The following MYOF variants were observed in gnomAD, a reference collection of about 807,000 sequenced individuals.
MYOF encodes fer-1-like 3, myoferlin.
In MYOF, 244 loss-of-function variants were observed where a neutral mutation model predicts 284.2. The observed-to-expected ratio is 0.86, with a 90% confidence interval of 0.77 to 0.95. The LOEUF (loss-of-function observed/expected upper bound fraction) is 0.95. Among genes scored for constraint, MYOF ranks in the 40% least tolerant of loss-of-function variants. The pLI, the probability that MYOF is intolerant of heterozygous loss-of-function variation, is 0.00. For synonymous variants in MYOF, 904 were observed against 919.7 expected (o/e 0.98, Z 0.31); for missense variants, 2,496 against 2,560.6 (o/e 0.97, Z 0.54).
At chr10:93,377,480 T>C in intron 21 of MYOF, 51 bp from the exon 22 acceptor site, 1 of 1,287,366 alleles carries the variant, frequency 7.8e-7, no homozygotes, top group Non-Finnish European at 1.1e-6. Flanking sequence ...CATTATGCCA[T>C]TATACCTTTT....
In MYOF at chr10:93,401,554, G is replaced by T. The variant is rs1418774535; in HGVS notation, c.991-10C>A. On this transcript the variant is annotated splice_polypyrimidine_tract_variant and intron_variant, in intron 11 of 53. Coordinates refer to ENST00000359263, the MANE Select transcript of MYOF (RefSeq NM_013451.4). ...GATCTCGTCTCTCAGGCTATTAGGG[G>T]CACATGATTTAAATTATACATACAG... 2 of 1,613,046 alleles carry T rather than the reference G, an allele frequency of 1.2e-6. No individual in the cohort carries two copies. The highest frequency in any genetic ancestry group is 1.7e-6 in the Non-Finnish European group (2 of 1,179,710).
chr10:93,310,655 C>T lies in MYOF; in HGVS notation c.5890-12G>A, dbSNP rs1418964199. The stretch of plus-strand genomic sequence containing the variant: ...ATCTCCACTTTCCCCTTCAGTAAAG[C>T]AGAGCAGGTTAAACATATGACATCA... On this transcript the variant is annotated splice_polypyrimidine_tract_variant and intron_variant, in intron 51 of 53. Coordinates refer to ENST00000359263, the MANE Select transcript of MYOF (RefSeq NM_013451.4). The T allele has an allele frequency of 1.2e-6, 2 of 1,612,770 alleles. No homozygotes were observed. Among genetic ancestry groups the T allele is most frequent in the Middle Eastern group, 1.7e-4 (1 of 6,060 alleles).
chr10:93,424,152 T>C (rs768746445), intron 5 of MYOF, among the ~76,000 whole-genome samples: 5 of 152,164 alleles, frequency 3.3e-5, no homozygotes, highest in Non-Finnish European at 5.9e-5. Flanking sequence ...GCCACCCAGT[T>C]TGCGGTAGTT....
At chr10:93,442,530 T>G (rs1373981536) in intron 3 of MYOF, among the ~76,000 whole-genome samples, 2 of 129,318 alleles carry the variant, frequency 1.5e-5, no homozygotes, top group African/African-American at 2.4e-5. Context: ...TACATTTCCT[T>G]CTAGGTATAT....
At chr10:93,380,252 A>G (rs1234431064) in intron 20 of MYOF, among the ~76,000 whole-genome samples, 7 of 152,236 alleles carry the variant, frequency 4.6e-5, no homozygotes, top group African/African-American at 1.7e-4. Flanking sequence ...AGGGCCATGC[A>G]TCTGAACATC....
Position 93,325,866 on chromosome 10 carries a change from G to T in MYOF, c.5231C>A (p.Thr1744Lys). 6.2e-7 allele frequency: 1 copy of T among 1,614,108 alleles called. No individual in the cohort carries two copies. The highest frequency in any genetic ancestry group is 8.5e-7 in the Non-Finnish European group (1 of 1,180,024). The change falls in exon 46 of 54, where the codon ACA becomes AAA. Residue 1744 changes from threonine to lysine, a missense_variant. Thr to Lys is a moderately conservative substitution (Grantham distance 78). Around this residue, in one of 3 missense-constraint regions of MYOF, gnomAD observed 2,436 missense variants for 2,480.7 expected, o/e 0.98. Transcript: ENST00000359263. ...CTGGAAGGTGCTGTGCAAAGTCCTT[G>T]TTTCCACGTGCTCAGGGACCAGCCC... ...TQGLVPEHVE[T>K]RTLHSTFQPN...
chr10:93,333,525 G>GA (rs1489850338), intron 42 of MYOF, among the ~76,000 whole-genome samples: 1 of 151,832 alleles, frequency 6.6e-6, no homozygotes, highest in Non-Finnish European at 1.5e-5. Context: ...GGGGCGGGGG[G>GA]GAGTCCTGGC....
intron 5 of MYOF, among the ~76,000 whole-genome samples, chr10:93,425,562 C>T (rs74150230): frequency 6.6e-6 from 1 of 152,130 alleles, no homozygotes; most frequent in African/African-American, 2.4e-5. Flanking sequence ...GAAGCAATTG[C>T]TTAGAGGACC....
intron 4 of MYOF, among the ~76,000 whole-genome samples, chr10:93,430,753 T>A (rs1848806427): frequency 6.6e-6 from 1 of 151,794 alleles, no homozygotes; most frequent in Non-Finnish European, 1.5e-5. Context: ...CTAGAGGGGG[T>A]CACCCTCACT....
At chr10:93,408,129 C>T (rs553101042) in intron 7 of MYOF, among the ~76,000 whole-genome samples, 8 of 152,220 alleles carry the variant, frequency 5.3e-5, no homozygotes, top group Admixed American at 5.2e-4. Context: ...CCGTCTCAGC[C>T]TCTTGAGTGT....
At chr10:93,418,222 T>A (rs1848213730) in intron 5 of MYOF, among the ~76,000 whole-genome samples, 1 of 152,242 alleles carries the variant, frequency 6.6e-6, no homozygotes, top group South Asian at 2.1e-4. Context: ...AAAGGGCTGA[T>A]ATCATATTAT....
chr10:93,372,254 T>C lies in MYOF; in HGVS notation c.2457+676A>G, dbSNP rs1845627356. Among the ~76,000 whole-genome samples, 3 of 152,194 alleles carry C rather than the reference T, an allele frequency of 2.0e-5. No homozygotes were observed. The South Asian group carries it at 6.2e-4, about 32-fold the overall frequency. On this transcript the variant is annotated intron_variant, in intron 24 of 53. Transcript: ENST00000359263. ...TAGATGGGAACTATTCTGATTTCTT[T>C]GTTTCGGCCCTAGGCTCACCTTTGA... is the stretch of plus-strand genomic sequence containing the variant.
intron 42 of MYOF, 96 bp from the exon 43 acceptor site, chr10:93,333,408 A>C (rs1843430574): frequency 2.9e-6 from 3 of 1,049,384 alleles, no homozygotes; most frequent in South Asian, 2.6e-5. Context: ...ACCCACTCCC[A>C]GCTGATGACA....
In MYOF at chr10:93,319,964, T is replaced by G. The variant is rs750218411; in HGVS notation, c.5506A>C (p.Arg1836=). The G allele has an allele frequency of 4.3e-6, 7 of 1,614,112 alleles. No homozygotes were observed. The East Asian group carries it at 8.9e-5, about 21-fold the overall frequency. The part of the protein sequence containing the change: ...ENKQKTDVHY[R]SLDGEGNFNW... Reference sequence around the variant, plus strand: ...AAATTCCCTTCACCATCCAAAGATCTGTAATGGACATCTGTTTTCTGTTTG... The same window carrying G: ...AAATTCCCTTCACCATCCAAAGATCGGTAATGGACATCTGTTTTCTGTTTG... Residue 1836 remains arginine, a synonymous_variant, in exon 49 of 54, where the codon AGA becomes CGA. Transcript: ENST00000359263.
intron 19 of MYOF, among the ~76,000 whole-genome samples, chr10:93,382,269 C>T (rs1224590112): frequency 6.6e-6 from 1 of 151,682 alleles, no homozygotes; most frequent in East Asian, 1.9e-4. Context: ...GACAGGGTCT[C>T]ATGCTGTCAC....
At chr10:93,329,549 G>T in intron 44 of MYOF, 115 bp downstream of exon 44, 1 of 1,040,836 alleles carries the variant, frequency 9.6e-7, no homozygotes, top group Non-Finnish European at 1.4e-6. Context: ...ATCCATACCT[G>T]AGTGATAGGA....
At chr10:93,421,988 C>T (rs540329831) in intron 5 of MYOF, among the ~76,000 whole-genome samples, 3 of 150,972 alleles carry the variant, frequency 2.0e-5, no homozygotes, top group Non-Finnish European at 2.9e-5. Context: ...ATTAGGAAGC[C>T]GACACACAGA....
Position 93,406,288 on chromosome 10 carries a change from T to TTTTATATA in MYOF, c.730-2070_730-2069insTATATAAA, listed in dbSNP as rs1271223936. Among the ~76,000 whole-genome samples the TTTTATATA allele has an allele frequency of 1.4e-3, 82 of 58,148 alleles. 2 individuals carry two copies. Among genetic ancestry groups the TTTTATATA allele is most frequent in the Middle Eastern group, 0.011 (1 of 94 alleles). The allele number at this position is 58,148 out of a possible 152,430, so 38.1% of individuals were successfully genotyped here. On this transcript the variant is annotated intron_variant, in intron 7 of 53. Coordinates refer to ENST00000359263, the MANE Select transcript of MYOF (RefSeq NM_013451.4). ...TAGAAATTTTTTTAGTAAACCTCTT[T>TTTTATATA]TATATATATATATATATATATATAT...
Position 93,347,765 on chromosome 10 carries a change from T to G in MYOF, c.4101A>C (p.Glu1367Asp), listed in dbSNP as rs1227474772. 6.2e-7 allele frequency: 1 copy of G among 1,612,350 alleles called. No homozygotes were observed. The highest frequency in any genetic ancestry group is 2.2e-5 in the East Asian group (1 of 44,788). ...TGATCACCAGTGGGGGCATGTACAA[T>G]TCCTCCTTGGGCAAGAACTGGGGGT... ...LFMKVFLPKE[E>D]LYMPPLVIKV... The change falls in exon 37 of 54, where the codon GAA (glutamate) becomes GAC (aspartate). Residue 1367 changes from glutamate to aspartate, a missense_variant. This residue lies in a region of MYOF where 2,436 missense variants were observed against 2,480.7 expected (regional missense o/e 0.98). Coordinates refer to ENST00000359263, the MANE Select transcript of MYOF (RefSeq NM_013451.4).
Sources: gnomAD v4.1 joint callset for allele counts (sites outside exome capture counted in the v4.1 genomes callset) on GRCh38, gnomAD v4.1.1 for gene constraint, gnomAD v4.1.1 regional missense constraint, MANE v1.5 for transcripts, NCBI Gene and HGNC (gene_info 2026-07-23, HGNC 2026-07-21) for gene names.